Variants in NBAS observed in about 807,000 individuals in gnomAD.
NBAS encodes NAG/BC035112 fusion.
In NBAS, 219 loss-of-function variants were observed where a neutral mutation model predicts 302.5. That is an observed-to-expected ratio of 0.72 (90% confidence interval 0.65 to 0.81). NBAS has a LOEUF of 0.81. Among genes scored for constraint, NBAS ranks in the 30% least tolerant of loss-of-function variants. The pLI is 0.00. For missense variants in NBAS, 2,932 were observed against 2,841.6 expected (o/e 1.03, Z -0.72); for synonymous variants, 1,118 against 1,021.6 (o/e 1.09, Z -1.80).
chr2:14,810,035 C>T, the NBAS span, among the ~76,000 whole-genome samples: 1 of 152,174 alleles, frequency 6.6e-6, no homozygotes, highest in Non-Finnish European at 1.5e-5. Flanking sequence ...CTGTATTTAC[C>T]CAATGCCTGT....
chr2:15,183,310 T>G (rs1220765436), intron 50 of NBAS, among the ~76,000 whole-genome samples: 2 of 152,216 alleles, frequency 1.3e-5, no homozygotes, highest in African/African-American at 4.8e-5. Context: ...TCTATAAATG[T>G]GCCCAATTGA....
At chr2:15,069,186 C>T in the NBAS span, among the ~76,000 whole-genome samples, 1 of 152,212 alleles carries the variant, frequency 6.6e-6, no homozygotes, top group African/African-American at 2.4e-5. Flanking sequence ...TTGGAGGGGA[C>T]AGATATTCAA....
At chr2:15,498,084 T>TA (rs1445348630) in intron 11 of NBAS, among the ~76,000 whole-genome samples, 1 of 152,162 alleles carries the variant, frequency 6.6e-6, no homozygotes, top group Non-Finnish European at 1.5e-5. Flanking sequence ...GGGTGATTAG[T>TA]AAAAACATTT....
chr2:15,480,610 G>A (rs568189591), intron 12 of NBAS, among the ~76,000 whole-genome samples: 34 of 152,162 alleles, frequency 2.2e-4, no homozygotes, highest in African/African-American at 2.9e-4. Flanking sequence ...TTTTAAGACT[G>A]GATAAGACTT....
chr2:15,465,326 T>C (rs1265364918), intron 19 of NBAS, among the ~76,000 whole-genome samples: 1 of 152,198 alleles, frequency 6.6e-6, no homozygotes, highest in Non-Finnish European at 1.5e-5. Flanking sequence ...TATTACTTCC[T>C]ATGTGGAGTC....
the NBAS span, among the ~76,000 whole-genome samples, chr2:14,994,807 G>A: frequency 2.6e-5 from 4 of 152,236 alleles, no homozygotes; most frequent in South Asian, 2.1e-4. Context: ...CTTAGCACAC[G>A]CTGAAGCTCC....
At chr2:14,965,945 T>A in the NBAS span, among the ~76,000 whole-genome samples, 1 of 151,986 alleles carries the variant, frequency 6.6e-6, no homozygotes, top group African/African-American at 2.4e-5. Context: ...CAAGTTGAAG[T>A]GAGGTTAAAG....
chr2:15,355,639 A>G (rs10185835), intron 33 of NBAS, among the ~76,000 whole-genome samples: 97,916 of 151,896 alleles, frequency 0.64, 32,261 homozygotes, highest in Middle Eastern at 0.69. Flanking sequence ...CATCATATCC[A>G]CTTGGTGCTG....
chr2:15,041,582 G>C, the NBAS span, among the ~76,000 whole-genome samples: 548 of 152,338 alleles, frequency 3.6e-3, 10 homozygotes, highest in African/African-American at 0.012. Context: ...AAGTCAGCCA[G>C]GGACAGACAA....
chr2:15,176,378 C>T (rs1466995039), intron 51 of NBAS, among the ~76,000 whole-genome samples: 1 of 152,022 alleles, frequency 6.6e-6, no homozygotes, highest in Admixed American at 6.6e-5. Flanking sequence ...CTATAAAGGA[C>T]AGTATGAGAG....
intron 49 of NBAS, among the ~76,000 whole-genome samples, chr2:15,189,400 A>G (rs1665237538): frequency 6.6e-6 from 1 of 152,208 alleles, no homozygotes; most frequent in African/African-American, 2.4e-5. Flanking sequence ...TCAGAAAAGC[A>G]TCCTTCTTTA....
At position 15,335,174 on chromosome 2, in the gene NBAS, T is replaced by TAAAA. The variant is rs34790746; in HGVS notation, c.4180-4413_4180-4410dup. ...CAATGCAATGGGACCTCATCTCTCTTAAAAAAAAAAAAAAAAAAAAAAAAT... is the reference window on the plus strand; with the variant it reads ...CAATGCAATGGGACCTCATCTCTCTTAAAAAAAAAAAAAAAAAAAAAAAAAAAAT... On this transcript the variant is annotated intron_variant, in intron 35 of 51. Coordinates refer to ENST00000281513, the MANE Select transcript of NBAS (RefSeq NM_015909.4). Among the ~76,000 whole-genome samples the TAAAA allele has an allele frequency of 2.6e-4, 30 of 117,276 alleles. 1 individual carries two copies. Among genetic ancestry groups the TAAAA allele is most frequent in the African/African-American group, 9.3e-4 (28 of 30,038 alleles). 76.9% of individuals were successfully genotyped at this position (117,276 alleles called of 152,430 possible).
intron 1 of NBAS, among the ~76,000 whole-genome samples, 184 bp downstream of exon 1, chr2:15,561,004 A>C: frequency 6.6e-6 from 1 of 151,618 alleles, no homozygotes; most frequent in Admixed American, 6.6e-5. Context: ...CTCAGGGACC[A>C]CCACCCCACC....
intron 21 of NBAS, among the ~76,000 whole-genome samples, chr2:15,430,227 G>T (rs1327187413): frequency 6.6e-6 from 1 of 152,094 alleles, no homozygotes; most frequent in African/African-American, 2.4e-5. Flanking sequence ...TTGTAAAATG[G>T]TATCTTCACT....
At position 15,330,654 on chromosome 2, in the gene NBAS, C is replaced by T. The variant is rs1672289320; in HGVS notation, c.4291G>A (p.Ala1431Thr). Residue 1431 changes from alanine (A) to threonine (T), a missense_variant, in exon 36 of 52, where the codon GCC (alanine) becomes ACC (threonine). Coordinates refer to ENST00000281513, the MANE Select transcript of NBAS (RefSeq NM_015909.4). ...TTTTTKAVLQ[A>T]VSDGQWWKKS... ...TTCCACCACTGCCCATCACTGACGG[C>T]CTGCAGCACCGCTTTGGTGGTGGTT... 3 of 1,614,058 alleles carry T rather than the reference C, an allele frequency of 1.9e-6. No individual in the cohort carries two copies. The highest frequency in any genetic ancestry group is 2.5e-6 in the Non-Finnish European group (3 of 1,179,962).
At chr2:14,890,005 T>C in the NBAS span, among the ~76,000 whole-genome samples, 1 of 152,364 alleles carries the variant, frequency 6.6e-6, no homozygotes, top group African/African-American at 2.4e-5. Flanking sequence ...TTAAAATCAT[T>C]GTAAAATATG....
At chr2:15,440,371 A>T (rs1359761616) in intron 21 of NBAS, among the ~76,000 whole-genome samples, 1 of 152,206 alleles carries the variant, frequency 6.6e-6, no homozygotes, top group East Asian at 1.9e-4. Context: ...TATTCTGCAG[A>T]CACCGCTGCT....
chr2:15,275,897 G>A (rs1162482120), intron 43 of NBAS, 79 bp from the exon 44 acceptor site: 6 of 1,223,020 alleles, frequency 4.9e-6, no homozygotes, highest in Non-Finnish European at 7.1e-6. Context: ...CACACACATA[G>A]CCCTCTATAT....
Position 15,536,507 on chromosome 2 carries a change from C to T in NBAS, c.558G>A (p.Leu186=), listed in dbSNP as rs1261415690. 2 of 1,612,262 alleles carry T rather than the reference C, an allele frequency of 1.2e-6. No individual in the cohort carries two copies. The highest frequency in any genetic ancestry group is 2.7e-5 in the African/African-American group (2 of 74,728). The change falls in exon 8 of 52, where the codon TTG becomes TTA. Residue 186 remains leucine, a synonymous_variant. Coordinates refer to ENST00000281513, the MANE Select transcript of NBAS (RefSeq NM_015909.4). ...IGDLSYAIAG[L]IFLEYKASAQ... is the part of the protein sequence containing the mutation. Reference sequence around the variant, plus strand: ...CACTTGCTTTATATTCTAAAAATATCAACCCAGCAATGGCATAGCTTAAGT... The same window carrying T: ...CACTTGCTTTATATTCTAAAAATATTAACCCAGCAATGGCATAGCTTAAGT...
Sources: gnomAD v4.1 joint callset for allele counts (sites outside exome capture counted in the v4.1 genomes callset) on GRCh38, gnomAD v4.1.1 for gene constraint, MANE v1.5 for transcripts, NCBI Gene and HGNC (gene_info 2026-07-23, HGNC 2026-07-21) for gene names.